RHOU: variants seen among roughly 807,000 people sequenced by gnomAD.
The protein encoded by RHOU is ras homolog family member U, also known as rho-related GTP-binding protein RhoU.
RHOU carries 8 observed loss-of-function variants against 12.6 expected under a neutral mutation model. That is an observed-to-expected ratio of 0.64 (90% CI 0.37 to 1.15). The LOEUF is 1.15. Ranked by LOEUF, RHOU falls within the 50% of genes most tolerant of loss-of-function variation. The pLI is 0.01. For synonymous variants in RHOU, 161 were observed against 147.4 expected, an observed-to-expected ratio of 1.09 and a Z score of -0.67; for missense variants, 258 against 347.0, an observed-to-expected ratio of 0.74 and a Z score of 2.04.
the RHOU span, among the ~76,000 whole-genome samples, chr1:228,656,724 C>T: frequency 3.3e-5 from 5 of 151,990 alleles, no homozygotes; most frequent in East Asian, 9.7e-4. Flanking sequence ...AAATTATTCA[C>T]TACAAAAATA....
the RHOU span, among the ~76,000 whole-genome samples, chr1:228,721,721 C>T: frequency 6.6e-6 from 1 of 152,218 alleles, no homozygotes; most frequent in Admixed American, 6.5e-5. Context: ...AGGGCAATGG[C>T]GGGATCTCGG....
the RHOU span, among the ~76,000 whole-genome samples, chr1:228,701,277 A>G: frequency 6.6e-6 from 1 of 152,204 alleles, no homozygotes; most frequent in African/African-American, 2.4e-5. Context: ...ACCACAGGTC[A>G]CTGTAAAATA....
intron 2 of RHOU, among the ~76,000 whole-genome samples, chr1:228,742,817 TAAAGAG>T (rs1286430853): frequency 2.0e-5 from 3 of 152,114 alleles, no homozygotes; most frequent in African/African-American, 7.2e-5. Context: ...GCTGGATTGA[TAAAGAG>T]AGGAGCTGTG....
the RHOU span, among the ~76,000 whole-genome samples, chr1:228,710,499 G>C: frequency 6.6e-6 from 1 of 152,134 alleles, no homozygotes; most frequent in Non-Finnish European, 1.5e-5. Flanking sequence ...TGCAAGCCTG[G>C]TTCAATATAC....
rs986626475 is a variant in RHOU at position 228,738,572 on chromosome 1, G to A, written c.321+841G>A. Among the ~76,000 whole-genome samples, 2 of 152,162 alleles carry A rather than the reference G, an allele frequency of 1.3e-5. No homozygotes were observed. The highest frequency in any genetic ancestry group is 2.9e-5 in the Non-Finnish European group (2 of 68,030). ...AAGTGCCCCCTTCACTTTCTGAGGT[G>A]CCATCACATGACTATCTGTGTTTAT... On this transcript the variant is annotated intron_variant, in intron 2 of 2. Transcript: ENST00000366691. The surrounding 1 kb of genome is among the most constrained non-coding windows in gnomAD (Gnocchi z 4.2).
chr1:228,650,355 C>T, the RHOU span: 10 of 461,220 alleles, frequency 2.2e-5, no homozygotes, highest in East Asian at 1.4e-4. Context: ...CCGCCTTGAG[C>T]GTGCCTGGCT....
chr1:228,667,778 T>A, the RHOU span, among the ~76,000 whole-genome samples: 1 of 152,212 alleles, frequency 6.6e-6, no homozygotes. Context: ...AGAGTCATAC[T>A]TGACTCACCA....
At chr1:228,741,418 G>C (rs1662718621) in intron 2 of RHOU, among the ~76,000 whole-genome samples, 1 of 152,112 alleles carries the variant, frequency 6.6e-6, no homozygotes. Flanking sequence ...AGAAGTCCCA[G>C]CCCTTGTGCT....
upstream of RHOU, among the ~76,000 whole-genome samples, chr1:228,732,493 T>C (rs980362144): frequency 3.9e-5 from 6 of 152,136 alleles, no homozygotes; most frequent in East Asian, 9.7e-4. Context: ...AGGGGTAAAG[T>C]GGTAGGCATT....
chr1:228,708,662 T>C, the RHOU span, among the ~76,000 whole-genome samples: 6 of 151,694 alleles, frequency 4.0e-5, no homozygotes, highest in Admixed American at 6.6e-5. Context: ...AAGGAAGCAC[T>C]AAACATGGAA....
the RHOU span, among the ~76,000 whole-genome samples, chr1:228,685,162 C>T: frequency 6.6e-6 from 1 of 152,198 alleles, no homozygotes; most frequent in Non-Finnish European, 1.5e-5. Flanking sequence ...AGGTCACTCT[C>T]ATTGCCATCT....
the RHOU span, among the ~76,000 whole-genome samples, chr1:228,695,830 A>G: frequency 3.9e-5 from 6 of 152,180 alleles, no homozygotes; most frequent in Non-Finnish European, 8.8e-5. Flanking sequence ...CCCTTGGCCA[A>G]TGATGACCAA....
chr1:228,737,675 G>A lies in RHOU; in HGVS notation c.265G>A (p.Val89Met), dbSNP rs1190159591. 5 of 1,614,200 alleles carry A rather than the reference G, an allele frequency of 3.1e-6. No homozygotes were observed. The highest frequency in any genetic ancestry group is 3.4e-6 in the Non-Finnish European group (4 of 1,180,040). Residue 89 changes from valine to methionine, a missense_variant and splice_region_variant, in exon 2 of 3, where the codon GTG becomes ATG. Coordinates refer to ENST00000366691, the MANE Select transcript of RHOU (RefSeq NM_021205.6). This position sits in a 1 kb window ranked among gnomAD's most constrained non-coding sequence, Gnocchi z 4.1. ...IPTAFDNFSAVVSVDGRPVRL... is the reference protein window; with the variant it reads ...IPTAFDNFSAMVSVDGRPVRL... The stretch of plus-strand genomic sequence containing the variant: ...GTCATTTTGGTTTTGTTTTTAAGCG[G>A]TGGTGTCTGTGGATGGGCGGCCCGT...
chr1:228,657,218 A>G, the RHOU span, among the ~76,000 whole-genome samples: 2 of 141,706 alleles, frequency 1.4e-5, no homozygotes, highest in Non-Finnish European at 3.0e-5. Context: ...TGGAGGTTGC[A>G]GTGAGCCGAG....
chr1:228,690,444 G>T, the RHOU span, among the ~76,000 whole-genome samples: 1 of 151,680 alleles, frequency 6.6e-6, no homozygotes, highest in Admixed American at 6.6e-5. Flanking sequence ...TCCTGCCTCA[G>T]CCTCCTGAGT....
chr1:228,707,161 TACAC>T, the RHOU span, among the ~76,000 whole-genome samples: 2 of 121,998 alleles, frequency 1.6e-5, no homozygotes, highest in African/African-American at 3.2e-5. Flanking sequence ...TATATACACA[TACAC>T]ACACATATAT....
the RHOU span, among the ~76,000 whole-genome samples, chr1:228,675,352 T>C: frequency 6.6e-6 from 1 of 152,174 alleles, no homozygotes; most frequent in Non-Finnish European, 1.5e-5. Context: ...ATCTCCTCCT[T>C]CTTCTACATT....
At chr1:228,689,836 C>T in the RHOU span, among the ~76,000 whole-genome samples, 6 of 151,986 alleles carry the variant, frequency 3.9e-5, no homozygotes, top group East Asian at 1.9e-4. Context: ...AAATTGTCTT[C>T]CACGAAACTG....
chr1:228,685,084 C>T, the RHOU span, among the ~76,000 whole-genome samples: 4 of 152,130 alleles, frequency 2.6e-5, no homozygotes, highest in African/African-American at 9.7e-5. Context: ...AGGGTAACTT[C>T]CTGACATTGC....
Sources: allele counts gnomAD v4.1 joint callset (sites outside exome capture counted in the v4.1 genomes callset), GRCh38; gene constraint gnomAD v4.1.1; non-coding constraint Gnocchi (gnomAD v3.1); transcripts MANE v1.5; gene names NCBI Gene and HGNC (gene_info 2026-07-23, HGNC 2026-07-21).